The following OTOG variants were observed in gnomAD, a reference collection of about 807,000 sequenced individuals.
OTOG encodes otogelin.
In OTOG, 296 loss-of-function variants were observed where a neutral mutation model predicts 313.8. The observed-to-expected ratio is 0.94, with a 90% CI of 0.86 to 1.04. The LOEUF is 1.04. Ranked by LOEUF, OTOG falls within the 50% of genes least tolerant of loss-of-function variation. The pLI, the probability that OTOG is intolerant of heterozygous loss-of-function variation, is 0.00. For synonymous variants in OTOG, 1,533 were observed against 1,554.9 expected (o/e 0.99, Z 0.33); for missense variants, 3,948 against 3,840.1 (o/e 1.03, Z -0.74).
In OTOG at chr11:17,645,793, A is replaced by G; in HGVS notation, c.8591A>G (p.Asn2864Ser). 1 of 1,551,062 alleles carries G rather than the reference A, an allele frequency of 6.4e-7. No individual in the cohort carries two copies. The highest frequency in any genetic ancestry group is 1.4e-5 in the African/African-American group (1 of 73,176). ...AGGTGCCCATCCGCCAGCATCTACA[A>G]CTACAACATCAACACCTATGCCCGA... is the stretch of plus-strand genomic sequence containing the variant. ...DGRCPSASIY[N>S]YNINTYARFC... is the part of the protein sequence containing the mutation. The change falls in exon 56 of 56, where the codon AAC (asparagine) becomes AGC (serine). Residue 2864 changes from asparagine to serine, a missense_variant. Asn to Ser is a conservative substitution (Grantham distance 46). Transcript: ENST00000399397.
chr11:17,559,850 AAAG>A lies in OTOG; in HGVS notation c.1342+192_1342+194del, dbSNP rs1459742204. ...AGGAAGGAGGAAGGAAAAAAGGAGG[AAAG>A]AAGGAAGGGAAGAAGGAAGGAAGGA... is the stretch of plus-strand genomic sequence containing the variant. On this transcript the variant is annotated intron_variant, in intron 12 of 55. Coordinates refer to ENST00000399397, the MANE Select transcript of OTOG (RefSeq NM_001292063.2). 3.4e-5 allele frequency among the ~76,000 whole-genome samples: 5 copies of A among 148,746 alleles called. No homozygotes were observed. The East Asian group carries it at 8.0e-4, about 24-fold the overall frequency.
At chr11:17,613,806 G>A (rs1853658489) in intron 39 of OTOG, 105 bp downstream of exon 39, 2 of 848,306 alleles carry the variant, frequency 2.4e-6, no homozygotes, top group African/African-American at 3.4e-5. Context: ...ATTCAGGGCA[G>A]GGGTGGGGAG....
chr11:17,574,634 A>T (rs543398590), intron 19 of OTOG, 86 bp from the exon 20 acceptor site: 1 of 1,314,614 alleles, frequency 7.6e-7, no homozygotes, highest in East Asian at 2.7e-5. Context: ...CTGGATCTCC[A>T]TTCTCCTCAT....
intron 17 of OTOG, 37 bp from the exon 18 acceptor site, chr11:17,572,043 G>A (rs1231035226): frequency 6.5e-7 from 1 of 1,549,770 alleles, no homozygotes; most frequent in Admixed American, 2.0e-5. Context: ...GAGTCCACAG[G>A]GGCAAGTGTG....
chr11:17,627,431 G>C (rs768555357), intron 39 of OTOG, among the ~76,000 whole-genome samples: 1 of 151,812 alleles, frequency 6.6e-6, no homozygotes, highest in African/African-American at 2.4e-5. Flanking sequence ...TTTGATTTGC[G>C]TATGTTGAAT....
At chr11:17,558,508 CT>C in intron 9 of OTOG, 29 bp from the exon 10 acceptor site, 1 of 1,549,300 alleles carries the variant, frequency 6.5e-7, no homozygotes, top group Non-Finnish European at 8.7e-7. Flanking sequence ...TTGCCAGCCC[CT>C]AGCCCTGGCT....
intron 18 of OTOG, among the ~76,000 whole-genome samples, chr11:17,572,555 C>G (rs927311457): frequency 6.6e-6 from 1 of 152,200 alleles, no homozygotes; most frequent in African/African-American, 2.4e-5. Context: ...GCTGCCCTGG[C>G]CTCCTTGTTC....
rs538555503 is a variant in OTOG at position 17,609,651 on chromosome 11, G to A, written c.4355-4G>A. 3.8e-5 allele frequency: 56 copies of A among 1,478,550 alleles called. No homozygotes were observed. In the South Asian group the frequency reaches 6.7e-4, roughly 18 times the overall value. The allele number at this position is 1,478,550 out of a possible 1,614,324, so 91.6% of individuals were successfully genotyped here. On this transcript the variant is annotated splice_region_variant and splice_polypyrimidine_tract_variant and intron_variant, in intron 35 of 55. Transcript: ENST00000399397. ...CTTCTGAACCTCTTCTTTTGTCTCC[G>A]CAGGTGTGGAGCCAGCAGTTTGGGT...
intron 3 of OTOG, among the ~76,000 whole-genome samples, chr11:17,550,678 G>A (rs552815487): frequency 3.0e-4 from 45 of 151,894 alleles, no homozygotes; most frequent in African/African-American, 9.7e-4. Flanking sequence ...GCTAAAGGAT[G>A]CGAGTTGTTT....
chr11:17,557,014 G>T, intron 7 of OTOG, 104 bp from the exon 8 acceptor site: 1 of 1,069,196 alleles, frequency 9.4e-7, no homozygotes, highest in South Asian at 1.5e-5. Context: ...GAGGGGAAGT[G>T]GGGGCCTTGG....
At chr11:17,629,347 A>T in intron 40 of OTOG, 31 bp downstream of exon 40, 1 of 1,530,456 alleles carries the variant, frequency 6.5e-7, no homozygotes, top group South Asian at 1.2e-5. Flanking sequence ...CGGGGAGGGG[A>T]TGCTTCCCAG....
Position 17,576,604 on chromosome 11 carries a change from C to T in OTOG, c.2535C>T (p.Asp845=), listed in dbSNP as rs1343102633. 3 of 1,550,484 alleles carry T rather than the reference C, an allele frequency of 1.9e-6. No homozygotes were observed. In the South Asian group the frequency reaches 3.6e-5, roughly 18 times the overall value. The change falls in exon 21 of 56, where the codon GAC becomes GAT. Residue 845 remains aspartate, a synonymous_variant. Coordinates refer to ENST00000399397, the MANE Select transcript of OTOG (RefSeq NM_001292063.2). The stretch of plus-strand genomic sequence containing the variant: ...AGGGAGTGGACTATCCCCCCGGAGA[C>T]AGTGACATCCCATCCCTGGGCCACT... The part of the protein sequence containing the change: ...HFQGVDYPPG[D]SDIPSLGHCH...
chr11:17,627,239 A>G (rs967872503), intron 39 of OTOG, among the ~76,000 whole-genome samples: 5 of 152,128 alleles, frequency 3.3e-5, no homozygotes, highest in Non-Finnish European at 5.9e-5. Flanking sequence ...ATTCAATATG[A>G]TACTAGCTGT....
intron 10 of OTOG, 52 bp from the exon 11 acceptor site, chr11:17,559,000 C>T: frequency 7.2e-7 from 1 of 1,391,854 alleles, no homozygotes; most frequent in African/African-American, 1.4e-5. Context: ...TGCTGGTGGG[C>T]TGGTGGCACT....
chr11:17,550,575 C>T (rs761533363), intron 3 of OTOG, among the ~76,000 whole-genome samples: 47 of 152,220 alleles, frequency 3.1e-4, no homozygotes, highest in Non-Finnish European at 6.0e-4. Flanking sequence ...CAGGTTGTCT[C>T]ATCCTCATGA....
intron 45 of OTOG, 51 bp downstream of exon 45, chr11:17,634,999 G>A (rs749466071): frequency 5.2e-6 from 8 of 1,536,304 alleles, no homozygotes; most frequent in African/African-American, 2.7e-5. Context: ...GGCAGTGGGG[G>A]GAGGACAGCT....
At chr11:17,616,838 A>G (rs1187993635) in intron 39 of OTOG, among the ~76,000 whole-genome samples, 1 of 152,206 alleles carries the variant, frequency 6.6e-6, no homozygotes, top group Admixed American at 6.5e-5. Context: ...TCCAATGAGT[A>G]TGCTTTTAAT....
In OTOG at chr11:17,573,170, T is replaced by C. The variant is rs540527376; in HGVS notation, c.2173T>C (p.Cys725Arg). ...GAGCCCCGTGCCCTACTTTGAGCAG[T>C]GCCGCAGGGATGCCTGCCGCTGCGG... ...FLSPVPYFEQCRRDACRCGQP... is the reference protein window; with the variant it reads ...FLSPVPYFEQRRRDACRCGQP... Residue 725 changes from cysteine to arginine, a missense_variant, in exon 19 of 56, where the codon TGC becomes CGC. Cys to Arg is a radical substitution (Grantham distance 180, BLOSUM62 -3). Transcript: ENST00000399397. The C allele has an allele frequency of 2.6e-6, 4 of 1,543,036 alleles. No homozygotes were observed. Among genetic ancestry groups the C allele is most frequent in the Non-Finnish European group, 3.5e-6 (4 of 1,146,882 alleles).
chr11:17,634,832 C>A lies in OTOG; in HGVS notation c.7481-12C>A. On this transcript the variant is annotated splice_polypyrimidine_tract_variant and intron_variant, in intron 44 of 55. Coordinates refer to ENST00000399397, the MANE Select transcript of OTOG (RefSeq NM_001292063.2). ...GCCCCGAGGTGACAGGCCCTGTGGT[C>A]CCCGGGGCCAGTGTGTAACCAGACT... 6.5e-7 allele frequency: 1 copy of A among 1,546,580 alleles called. No individual in the cohort carries two copies. Among genetic ancestry groups the A allele is most frequent in the Non-Finnish European group, 8.7e-7 (1 of 1,144,446 alleles).
Sources: gnomAD v4.1 joint callset for allele counts (sites outside exome capture counted in the v4.1 genomes callset) on GRCh38, gnomAD v4.1.1 for gene constraint, MANE v1.5 for transcripts, NCBI Gene and HGNC (gene_info 2026-07-23, HGNC 2026-07-21) for gene names.